Variants in ECT2 observed in about 807,000 individuals in gnomAD.
ECT2 encodes protein ECT2.
Under a neutral mutation model 116.9 loss-of-function variants are expected in ECT2, and 61 were observed. The observed-to-expected ratio is 0.52, with a 90% CI of 0.42 to 0.65. The LOEUF is 0.65. ECT2 is among the 30% of genes least tolerant of loss of function. The probability of loss-of-function intolerance (pLI) is 0.00; values close to 1 mark genes in which losing one functional copy is unlikely to be tolerated. For synonymous variants in ECT2, 358 were observed against 346.4 expected, an observed-to-expected ratio of 1.03 and a Z score of -0.37; for missense variants, 937 against 1,078.7, an observed-to-expected ratio of 0.87 and a Z score of 1.84.
chr3:172,799,328 G>A (rs561302512), intron 18 of ECT2, among the ~76,000 whole-genome samples: 16 of 152,232 alleles, frequency 1.1e-4, no homozygotes, highest in African/African-American at 3.4e-4. Flanking sequence ...AATATCTTAT[G>A]CTTTAATCAG....
At chr3:172,796,135 C>CA (rs1725593630) in intron 18 of ECT2, among the ~76,000 whole-genome samples, 1 of 151,966 alleles carries the variant, frequency 6.6e-6, no homozygotes, top group Non-Finnish European at 1.5e-5. Flanking sequence ...TGTCCTAAGG[C>CA]AAAATGGTTG....
In ECT2 at chr3:172,762,946, G is replaced by A; in HGVS notation, c.1042G>A (p.Gly348Arg). 6.2e-7 allele frequency: 1 copy of A among 1,613,774 alleles called. No individual in the cohort carries two copies. The highest frequency in any genetic ancestry group is 8.5e-7 in the Non-Finnish European group (1 of 1,179,798). Reference sequence around the variant, plus strand: ...AAGCATTCAAATGGATGCCCGAGCTGGAGAAACTATGTATTTATATGAAAA... The same window carrying A: ...AAGCATTCAAATGGATGCCCGAGCTAGAGAAACTATGTATTTATATGAAAA... The part of the protein sequence containing the change: ...WGSIQMDARA[G>R]ETMYLYEKAN... Residue 348 changes from glycine to arginine, a missense_variant, in exon 11 of 25, where the codon GGA becomes AGA. Physicochemically the swap from Gly to Arg is moderately radical, Grantham distance 125. Transcript: ENST00000392692.
chr3:172,815,712 G>C lies in ECT2; in HGVS notation c.2508+1G>C. On this transcript the variant is annotated splice_donor_variant, in intron 23 of 24. Transcript: ENST00000392692. LOFTEE classifies it high-confidence loss of function. ...AGCAATAAAAAAGACTTCAAAAAAG[G>C]TGAGTTTTAGTGAAAGTATTATTTA... is the stretch of plus-strand genomic sequence containing the variant. 6.5e-7 allele frequency: 1 copy of C among 1,541,444 alleles called. No individual in the cohort carries two copies. The highest frequency in any genetic ancestry group is 8.9e-7 in the Non-Finnish European group (1 of 1,123,590).
intron 18 of ECT2, among the ~76,000 whole-genome samples, chr3:172,797,052 GTC>G: frequency 6.6e-6 from 1 of 151,514 alleles, no homozygotes; most frequent in African/African-American, 2.4e-5. Context: ...GTGTGTGTGT[GTC>G]AGGGTCTCAT....
downstream of ECT2, among the ~76,000 whole-genome samples, chr3:172,825,739 CAT>C (rs1453838531): frequency 1.3e-5 from 2 of 152,156 alleles, no homozygotes; most frequent in Non-Finnish European, 2.9e-5. Context: ...GTCTCCAAAA[CAT>C]AAAAGTGCAA....
chr3:172,826,021 G>A (rs572133383), downstream of ECT2, among the ~76,000 whole-genome samples: 66 of 152,204 alleles, frequency 4.3e-4, no homozygotes, highest in East Asian at 3.1e-3. Context: ...AGCCTCCCAA[G>A]TAGCTGGGAT....
chr3:172,768,462 T>A (rs1719956568), intron 12 of ECT2, among the ~76,000 whole-genome samples: 1 of 152,234 alleles, frequency 6.6e-6, no homozygotes, highest in South Asian at 2.1e-4. Context: ...GCTGCAGACA[T>A]GATGTGCCTT....
intron 5 of ECT2, among the ~76,000 whole-genome samples, chr3:172,758,355 T>C (rs1480149683): frequency 1.9e-4 from 29 of 152,192 alleles, no homozygotes; most frequent in Admixed American, 1.8e-3. Flanking sequence ...TGATTTGGAG[T>C]GGTTGGTTTC....
chr3:172,768,532 C>T (rs1384277069), intron 12 of ECT2, among the ~76,000 whole-genome samples: 8 of 152,196 alleles, frequency 5.3e-5, no homozygotes, highest in African/African-American at 1.9e-4. Flanking sequence ...TAAATAACTA[C>T]ATTACTTACT....
intron 17 of ECT2, among the ~76,000 whole-genome samples, chr3:172,785,375 G>T (rs899523900): frequency 6.6e-6 from 1 of 152,026 alleles, no homozygotes; most frequent in East Asian, 1.9e-4. Flanking sequence ...GCTAAGGACA[G>T]TATCAGTTTT....
At chr3:172,828,201 G>A in the ECT2 span, among the ~76,000 whole-genome samples, 2 of 152,132 alleles carry the variant, frequency 1.3e-5, no homozygotes, top group African/African-American at 4.8e-5. Context: ...AGAAGACTGT[G>A]GAACTTTATT....
At position 172,805,858 on chromosome 3, in the gene ECT2, G is replaced by A; in HGVS notation, c.2234G>A (p.Arg745Lys). ...CAGATTAAGAAGGTATTGGACATAA[G>A]AGAGACAGAAGGTATGCCGGTCGGA... is the stretch of plus-strand genomic sequence containing the variant. ...LSQIKKVLDI[R>K]ETEDCHNAFA... The change falls in exon 21 of 25, where the codon AGA (arginine) becomes AAA (lysine). Residue 745 changes from arginine to lysine, a missense_variant. By Grantham distance (26) the Arg-to-Lys change is conservative. Coordinates refer to ENST00000392692, the MANE Select transcript of ECT2 (RefSeq NM_001258315.2). The A allele has an allele frequency of 6.2e-7, 1 of 1,613,172 alleles. No individual in the cohort carries two copies. The highest frequency in any genetic ancestry group is 8.5e-7 in the Non-Finnish European group (1 of 1,179,534).
chr3:172,801,747 A>C (rs1358640013), intron 18 of ECT2, among the ~76,000 whole-genome samples: 2 of 152,224 alleles, frequency 1.3e-5, no homozygotes. Flanking sequence ...TGTAGGGCTT[A>C]GCTTGTTTCT....
chr3:172,790,837 A>T (rs1389384477), intron 18 of ECT2, among the ~76,000 whole-genome samples: 1 of 152,210 alleles, frequency 6.6e-6, no homozygotes, highest in Non-Finnish European at 1.5e-5. Context: ...TTTTCTGAGC[A>T]GTAGGTCTCA....
At chr3:172,774,438 G>A (rs1207207853) in intron 14 of ECT2, among the ~76,000 whole-genome samples, 3 of 151,400 alleles carry the variant, frequency 2.0e-5, no homozygotes, top group South Asian at 4.2e-4. Flanking sequence ...ACCTCAAGTG[G>A]TCCACCCGTC....
At chr3:172,769,269 G>T in intron 13 of ECT2, 126 bp downstream of exon 13, 2 of 955,750 alleles carry the variant, frequency 2.1e-6, no homozygotes, top group African/African-American at 3.3e-5. Context: ...GTTAAAAATG[G>T]AATTGTGTGA....
At chr3:172,794,379 T>A (rs1418245310) in intron 18 of ECT2, among the ~76,000 whole-genome samples, 1 of 152,214 alleles carries the variant, frequency 6.6e-6, no homozygotes, top group Non-Finnish European at 1.5e-5. Flanking sequence ...TGAATTGCTT[T>A]TGTACCATTG....
chr3:172,759,037 T>C lies in ECT2; in HGVS notation c.544T>C (p.Cys182Arg), dbSNP rs1260295158. 1 of 1,608,450 alleles carries C rather than the reference T, an allele frequency of 6.2e-7. No homozygotes were observed. The highest frequency in any genetic ancestry group is 8.5e-7 in the Non-Finnish European group (1 of 1,178,340). ...YCTSMMNLVL[C>R]FTGFRKKEEL... ...TACAAGTATGATGAATCTAGTACTA[T>C]GCTTTACTGGATTTAGGAAAAAAGA... Residue 182 changes from cysteine (C) to arginine (R), a missense_variant, in exon 6 of 25, where the codon TGC becomes CGC. Physicochemically the swap from Cys to Arg is radical, Grantham distance 180. Transcript: ENST00000392692.
Position 172,757,091 on chromosome 3 carries a change from T to C in ECT2, c.412T>C (p.Phe138Leu). 4.3e-6 allele frequency: 7 copies of C among 1,610,584 alleles called. No homozygotes were observed. Among genetic ancestry groups the C allele is most frequent in the Non-Finnish European group, 5.9e-6 (7 of 1,178,794 alleles). The change falls in exon 5 of 25, where the codon TTT becomes CTT. Residue 138 changes from phenylalanine (F) to leucine (L), a missense_variant. Phe to Leu is a conservative substitution (Grantham distance 22, BLOSUM62 0). Coordinates refer to ENST00000392692, the MANE Select transcript of ECT2 (RefSeq NM_001258315.2). ...FVVTDFQDSV[F>L]NDLYKADCRV... ...AGTCACGGACTTTCAGGATTCTGTC[T>C]TTAATGACCTCTACAAGGCTGATTG...
Sources: gnomAD v4.1 joint callset for allele counts (sites outside exome capture counted in the v4.1 genomes callset) on GRCh38, gnomAD v4.1.1 for gene constraint, MANE v1.5 for transcripts, NCBI Gene and HGNC (gene_info 2026-07-23, HGNC 2026-07-21) for gene names.